ADAMTS12: variants seen among roughly 807,000 people sequenced by gnomAD.
ADAMTS12 encodes ADAM metallopeptidase with thrombospondin type 1 motif 12.
A neutral mutation model predicts 167.8 loss-of-function variants in ADAMTS12; 118 were observed. That is an observed-to-expected ratio of 0.70 (90% CI 0.61 to 0.82). The LOEUF is 0.82. Among genes scored for constraint, ADAMTS12 ranks in the 40% least tolerant of loss-of-function variants. The pLI, the probability that ADAMTS12 is intolerant of heterozygous loss-of-function variation, is 0.00. For missense variants in ADAMTS12, 1,916 were observed against 1,998.8 expected, an observed-to-expected ratio of 0.96 and a Z score of 0.79; for synonymous variants, 704 against 716.9, an observed-to-expected ratio of 0.98 and a Z score of 0.29.
At chr5:33,586,697 C>A (rs1343155570) in intron 18 of ADAMTS12, among the ~76,000 whole-genome samples, 1 of 152,232 alleles carries the variant, frequency 6.6e-6, no homozygotes, top group Non-Finnish European at 1.5e-5. Context: ...GCGGCCAACA[C>A]ATTTTTGGTA....
At position 33,630,773 on chromosome 5, in the gene ADAMTS12, C is replaced by T. The variant is rs553916021; in HGVS notation, c.2022+7G>A. 1.0e-4 allele frequency: 166 copies of T among 1,610,196 alleles called. 2 individuals are homozygous for T. The South Asian group carries it at 1.6e-3, about 16-fold the overall frequency. The stretch of plus-strand genomic sequence containing the variant: ...AAAGTTGTAGATTAAGGAAACATAC[C>T]CAATACCTTACATATGCCATTAATA... On this transcript the variant is annotated splice_region_variant and intron_variant, in intron 13 of 23. Transcript: ENST00000504830.
chr5:33,752,453 C>T (rs1288397886), intron 2 of ADAMTS12, among the ~76,000 whole-genome samples: 1 of 152,166 alleles, frequency 6.6e-6, no homozygotes, highest in Non-Finnish European at 1.5e-5. Flanking sequence ...AACAACTCCT[C>T]CATGCAATAG....
chr5:33,768,791 CA>C (rs1174183332), intron 2 of ADAMTS12, among the ~76,000 whole-genome samples: 1 of 152,026 alleles, frequency 6.6e-6, no homozygotes, highest in East Asian at 1.9e-4. Context: ...TGTTACATAT[CA>C]AAATGCACAT....
chr5:33,767,174 A>AT (rs1262193095), intron 2 of ADAMTS12, among the ~76,000 whole-genome samples: 1 of 152,188 alleles, frequency 6.6e-6, no homozygotes, highest in Non-Finnish European at 1.5e-5. Flanking sequence ...ATGAAAGAAA[A>AT]TTGTATGTTC....
chr5:33,648,051 C>T (rs1399254491), intron 9 of ADAMTS12, among the ~76,000 whole-genome samples: 2 of 152,176 alleles, frequency 1.3e-5, no homozygotes, highest in Non-Finnish European at 2.9e-5. Context: ...AGGGATTCAG[C>T]GAGACTTGCC....
intron 3 of ADAMTS12, among the ~76,000 whole-genome samples, chr5:33,693,948 C>A (rs554405344): frequency 5.9e-5 from 9 of 152,226 alleles, no homozygotes; most frequent in East Asian, 1.9e-4. Flanking sequence ...TGATCAATGA[C>A]TTTAGCAAAG....
chr5:33,661,628 T>G (rs1273858618), intron 6 of ADAMTS12, among the ~76,000 whole-genome samples: 1 of 152,206 alleles, frequency 6.6e-6, no homozygotes, highest in Non-Finnish European at 1.5e-5. Context: ...TAGAGCTACA[T>G]GAAGAAACCA....
chr5:33,591,720 C>T (rs1037419202), intron 17 of ADAMTS12, among the ~76,000 whole-genome samples: 2 of 152,104 alleles, frequency 1.3e-5, no homozygotes, highest in South Asian at 2.1e-4. Context: ...CCTTTCATTT[C>T]GATCAGAAGG....
In ADAMTS12 at chr5:33,845,884, G is replaced by A. The variant is rs1023932335; in HGVS notation, c.489+35235C>T. On this transcript the variant is annotated intron_variant, in intron 2 of 23. Coordinates refer to ENST00000504830, the MANE Select transcript of ADAMTS12 (RefSeq NM_030955.4). ...TGAGAGAGGAAGCAGGAGAGAGAACGAAAGGAAAAGAGGGAGCAGAGGAGG... is the reference window on the plus strand; with the variant it reads ...TGAGAGAGGAAGCAGGAGAGAGAACAAAAGGAAAAGAGGGAGCAGAGGAGG... 5.3e-5 allele frequency among the ~76,000 whole-genome samples: 8 copies of A among 152,166 alleles called. No homozygotes were observed. The East Asian group carries it at 7.7e-4, about 15-fold the overall frequency.
intron 3 of ADAMTS12, among the ~76,000 whole-genome samples, chr5:33,745,648 C>G (rs538016512): frequency 6.6e-6 from 1 of 152,018 alleles, no homozygotes; most frequent in East Asian, 1.9e-4. Context: ...AACCCAGACA[C>G]CTGAAGTGAT....
chr5:33,833,191 T>C (rs1455990240), intron 2 of ADAMTS12, among the ~76,000 whole-genome samples: 1 of 152,206 alleles, frequency 6.6e-6, no homozygotes, highest in Non-Finnish European at 1.5e-5. Context: ...AAAATTTCTG[T>C]TCAAAGAAAC....
rs1312665929 is a variant in ADAMTS12 at position 33,588,679 on chromosome 5, G to T, written c.2785C>A (p.Leu929Met). Residue 929 changes from leucine (L) to methionine (M), a missense_variant, in exon 18 of 24, where the codon CTG becomes ATG. Transcript: ENST00000504830. ...GAAAGGAGGGTCTTGGGCTTCAGCAGGTGCTGGCAGTCTGTGGGCGGGAGA... is the reference window on the plus strand; with the variant it reads ...GAAAGGAGGGTCTTGGGCTTCAGCATGTGCTGGCAGTCTGTGGGCGGGAGA... ...QALPPTDCQH[L>M]LKPKTLLSCN... 3 of 1,614,158 alleles carry T rather than the reference G, an allele frequency of 1.9e-6. No homozygotes were observed. Among genetic ancestry groups the T allele is most frequent in the Non-Finnish European group, 2.5e-6 (3 of 1,180,032 alleles).
At chr5:33,620,941 T>C (rs114887461) in intron 14 of ADAMTS12, among the ~76,000 whole-genome samples, 147 of 152,354 alleles carry the variant, frequency 9.6e-4, no homozygotes, top group African/African-American at 3.3e-3. Context: ...GAATGATGAC[T>C]ATATTTGCTT....
Position 33,592,759 on chromosome 5 carries a change from A to G in ADAMTS12, c.2654+3175T>C, listed in dbSNP as rs376780193. Among the ~76,000 whole-genome samples the G allele has an allele frequency of 7.2e-5, 11 of 152,308 alleles. No individual in the cohort carries two copies. The East Asian group carries it at 1.2e-3, about 16-fold the overall frequency. ...TGTTGAAATTGGTTGTAAAAACAAGATATTACTGAAGAAAAATGATCCATA... is the reference window on the plus strand; with the variant it reads ...TGTTGAAATTGGTTGTAAAAACAAGGTATTACTGAAGAAAAATGATCCATA... On this transcript the variant is annotated intron_variant, in intron 17 of 23. Coordinates refer to ENST00000504830, the MANE Select transcript of ADAMTS12 (RefSeq NM_030955.4).
intron 22 of ADAMTS12, among the ~76,000 whole-genome samples, chr5:33,542,644 G>C (rs995588390): frequency 1.3e-5 from 2 of 151,982 alleles, no homozygotes; most frequent in African/African-American, 2.4e-5. Flanking sequence ...GTAAAAGAAC[G>C]GAAATCACAA....
chr5:33,849,611 A>ACACATGTG (rs1749133164), intron 2 of ADAMTS12, among the ~76,000 whole-genome samples: 3 of 56,196 alleles, frequency 5.3e-5, no homozygotes, highest in African/African-American at 3.0e-4. Context: ...GCATAGCAAT[A>ACACATGTG]TATATGTATT....
chr5:33,849,460 AAT>A (rs768007913), intron 2 of ADAMTS12, among the ~76,000 whole-genome samples: 20 of 109,862 alleles, frequency 1.8e-4, no homozygotes, highest in South Asian at 1.5e-3. Context: ...ATTGCACAGC[AAT>A]ATATATATAT....
chr5:33,643,451 C>G lies in ADAMTS12; in HGVS notation c.1499G>C (p.Trp500Ser), dbSNP rs1282140807. 1 of 1,614,100 alleles carries G rather than the reference C, an allele frequency of 6.2e-7. No individual in the cohort carries two copies. The highest frequency in any genetic ancestry group is 2.2e-5 in the East Asian group (1 of 44,870). Residue 500 changes from tryptophan (W) to serine (S), a missense_variant, in exon 10 of 24, where the codon TGG (tryptophan) becomes TCG (serine). Physicochemically the swap from Trp to Ser is radical, Grantham distance 177. Transcript: ENST00000504830. Reference sequence around the variant, plus strand: ...GCGACAAAAGCCCTTCACGGAGCACCACAGTGTCTGGCAGACGTTCTAGAA... The same window carrying G: ...GCGACAAAAGCCCTTCACGGAGCACGACAGTGTCTGGCAGACGTTCTAGAA... ...QEVENVCQTL[W>S]CSVKGFCRSK... is the part of the protein sequence containing the mutation.
intron 23 of ADAMTS12, among the ~76,000 whole-genome samples, chr5:33,528,679 C>T (rs1743939508): frequency 6.6e-6 from 1 of 152,234 alleles, no homozygotes; most frequent in African/African-American, 2.4e-5. Context: ...CACAGGCAGT[C>T]TTAACTCTAG....
Sources: allele counts gnomAD v4.1 joint callset (sites outside exome capture counted in the v4.1 genomes callset), GRCh38; gene constraint gnomAD v4.1.1; transcripts MANE v1.5; gene names NCBI Gene and HGNC (gene_info 2026-07-23, HGNC 2026-07-21).